Variants in MDM1 observed in about 807,000 individuals in gnomAD.
The protein encoded by MDM1 is Mdm1 nuclear protein.
In MDM1, 61 loss-of-function variants were observed where a neutral mutation model predicts 89.1. The observed-to-expected ratio is 0.68, with a 90% CI of 0.56 to 0.85. MDM1 has a LOEUF of 0.85. Among genes scored for constraint, MDM1 ranks in the 40% least tolerant of loss-of-function variants. MDM1 has a pLI of 0.00. For missense variants in MDM1, 820 were observed against 846.5 expected (o/e 0.97, Z 0.39); for synonymous variants, 290 against 294.1 (o/e 0.99, Z 0.14).
Position 68,313,546 on chromosome 12 carries a change from G to A in MDM1, c.1646C>T (p.Ala549Val), listed in dbSNP as rs748404408. ...HDLTTPAVGG[A>V]VLVSPSKMKP... Reference sequence around the variant, plus strand: ...CATCTTAGATGGAGACACTAAAACAGCACCACCTGGAAAAATAAAGATGAC... The same window carrying A: ...CATCTTAGATGGAGACACTAAAACAACACCACCTGGAAAAATAAAGATGAC... Residue 549 changes from alanine to valine, a missense_variant, in exon 12 of 15, where the codon GCT becomes GTT. By Grantham distance (64) the Ala-to-Val change is moderately conservative. Coordinates refer to ENST00000682720, the MANE Select transcript of MDM1 (RefSeq NM_001354969.2). The A allele has an allele frequency of 6.2e-7, 1 of 1,612,798 alleles. No individual in the cohort carries two copies. Among genetic ancestry groups the A allele is most frequent in the Non-Finnish European group, 8.5e-7 (1 of 1,179,012 alleles).
intron 7 of MDM1, among the ~76,000 whole-genome samples, chr12:68,318,570 C>T (rs904664409): frequency 6.6e-6 from 1 of 151,730 alleles, no homozygotes; most frequent in African/African-American, 2.4e-5. Flanking sequence ...ATCTTTAGCC[C>T]TAAACTAAGA....
intron 7 of MDM1, among the ~76,000 whole-genome samples, chr12:68,320,124 G>A (rs1297456145): frequency 6.6e-6 from 1 of 152,164 alleles, no homozygotes; most frequent in Non-Finnish European, 1.5e-5. Context: ...ATACTGTTCT[G>A]CCTCTGTCCT....
In MDM1 at chr12:68,332,309, G is replaced by T. The variant is rs777003748; in HGVS notation, c.-64C>A. ...ACTGGAGAAAAAGCTCCGAGGGGGC[G>T]GGGCGATAACAGTGTTCCCTAGCAA... is the stretch of plus-strand genomic sequence containing the variant. On this transcript the variant is annotated 5_prime_UTR_variant, in exon 1 of 15. Coordinates refer to ENST00000682720, the MANE Select transcript of MDM1 (RefSeq NM_001354969.2). The T allele has an allele frequency of 3.0e-4, 452 of 1,517,510 alleles. No homozygotes were observed. Among genetic ancestry groups the T allele is most frequent in the Non-Finnish European group, 3.8e-4 (428 of 1,131,286 alleles). 94.0% of individuals were successfully genotyped at this position (1,517,510 alleles called of 1,614,324 possible).
intron 9 of MDM1, among the ~76,000 whole-genome samples, chr12:68,315,677 T>C (rs942531074): frequency 6.6e-6 from 1 of 152,178 alleles, no homozygotes; most frequent in Non-Finnish European, 1.5e-5. Context: ...TTCCATAAAA[T>C]CAGCAGCCAA....
At chr12:68,297,682 A>G (rs572675333) in intron 13 of MDM1, among the ~76,000 whole-genome samples, 12 of 152,278 alleles carry the variant, frequency 7.9e-5, no homozygotes, top group African/African-American at 2.6e-4. Context: ...TTCGTCTCTA[A>G]AAGTTTACCA....
At position 68,300,310 on chromosome 12, in the gene MDM1, C is replaced by T. The variant is rs139406211; in HGVS notation, c.2002+2310G>A. On this transcript the variant is annotated intron_variant, in intron 13 of 14. Transcript: ENST00000682720. ...CAAAGTATCTAAGTAACAACTAACA[C>T]AGTGAATAGAACAGTACCTCACGTC... Among the ~76,000 whole-genome samples the T allele has an allele frequency of 1.5e-3, 221 of 152,202 alleles. 1 individual carries two copies. Among genetic ancestry groups the T allele is most frequent in the African/African-American group, 4.8e-3 (201 of 41,536 alleles).
At chr12:68,306,951 C>T (rs1872971844) in intron 12 of MDM1, among the ~76,000 whole-genome samples, 1 of 152,138 alleles carries the variant, frequency 6.6e-6, no homozygotes, top group Non-Finnish European at 1.5e-5. Context: ...AGGTGCCCAT[C>T]AATAGTGGAT....
chr12:68,310,624 TA>T (rs1382310006), intron 12 of MDM1, among the ~76,000 whole-genome samples: 1 of 152,212 alleles, frequency 6.6e-6, no homozygotes, highest in Non-Finnish European at 1.5e-5. Flanking sequence ...AGTGTATACA[TA>T]AGCAACAGGA....
rs76190432 is a variant in MDM1, at chr12:68,316,697, C to T, written c.1006-87G>A. The T allele has an allele frequency of 4.9e-4, 512 of 1,047,038 alleles. 3 individuals are homozygous for T. In the African/African-American group the frequency reaches 7.3e-3, roughly 15 times the overall value. 64.9% of individuals were successfully genotyped at this position (1,047,038 alleles called of 1,614,324 possible). On this transcript the variant is annotated intron_variant, in intron 7 of 14. Transcript: ENST00000682720. ...GGAATCAATGAAACACATTATTCTC[C>T]CTTCTAAATATCTACCAAACTTGTC...
chr12:68,327,438 G>A (rs1221038962), intron 2 of MDM1: 3 of 1,535,882 alleles, frequency 2.0e-6, no homozygotes, highest in East Asian at 2.4e-5. Context: ...CTTCTCTTAT[G>A]TGGAGCAGAC....
intron 7 of MDM1, among the ~76,000 whole-genome samples, chr12:68,320,074 C>T (rs1041355492): frequency 3.3e-5 from 5 of 152,202 alleles, no homozygotes; most frequent in African/African-American, 1.2e-4. Context: ...CACGCCTAAA[C>T]ACAACAGGCC....
chr12:68,326,502 A>G (rs1319477947), intron 3 of MDM1, 155 bp downstream of exon 3: 2 of 1,543,558 alleles, frequency 1.3e-6, no homozygotes, highest in East Asian at 2.4e-5. Flanking sequence ...CACAATAACT[A>G]AAGTCAACAG....
At position 68,326,901 on chromosome 12, in the gene MDM1, T is replaced by C. The variant is rs1468644777; in HGVS notation, c.254A>G (p.Glu85Gly). ...ISESNVVASPEPEAPETPKSQ... is the reference protein window; with the variant it reads ...ISESNVVASPGPEAPETPKSQ... ...TTTTGGTGTTTCCGGGGCTTCTGGT[T>C]CTGGTGATGCAACCACATTGCTCTC... is the stretch of plus-strand genomic sequence containing the variant. Residue 85 changes from glutamate (E) to glycine (G), a missense_variant, in exon 3 of 15, where the codon GAA becomes GGA. By Grantham distance (98) the Glu-to-Gly change is moderately conservative. Coordinates refer to ENST00000682720, the MANE Select transcript of MDM1 (RefSeq NM_001354969.2). 3.1e-6 allele frequency: 5 copies of C among 1,614,056 alleles called. No homozygotes were observed. The highest frequency in any genetic ancestry group is 4.2e-6 in the Non-Finnish European group (5 of 1,180,022).
chr12:68,318,672 G>T (rs1874814642), intron 7 of MDM1, among the ~76,000 whole-genome samples: 3 of 152,020 alleles, frequency 2.0e-5, no homozygotes, highest in Admixed American at 2.0e-4. Flanking sequence ...ATGTTAAATA[G>T]AACAATCCCT....
chr12:68,331,176 A>G lies in MDM1; in HGVS notation c.64T>C (p.Leu22=). The change falls in exon 2 of 15, where the codon TTG becomes CTG. Residue 22 remains leucine, a synonymous_variant. Coordinates refer to ENST00000682720, the MANE Select transcript of MDM1 (RefSeq NM_001354969.2). Reference sequence around the variant, plus strand: ...ACGGAGGAATTACAAGACTCGGACAAATAAGACTTTTTCCACAGGAAGTTC... The same window carrying G: ...ACGGAGGAATTACAAGACTCGGACAGATAAGACTTTTTCCACAGGAAGTTC... ...QRNFLWKKSY[L]SESCNSSVGR... 6.2e-7 allele frequency: 1 copy of G among 1,611,850 alleles called. No individual in the cohort carries two copies. Among genetic ancestry groups the G allele is most frequent in the African/African-American group, 1.3e-5 (1 of 74,994 alleles).
At chr12:68,331,984 G>GTAAATGTGTCTCGCA (rs1174893041) in intron 1 of MDM1, 1 of 700,396 alleles carries the variant, frequency 1.4e-6, no homozygotes, top group African/African-American at 1.7e-5. Context: ...GTCCCCCTAA[G>GTAAATGTGTCTCGCA]TAAATGTGTC....
At chr12:68,309,481 T>C (rs1055747187) in intron 12 of MDM1, among the ~76,000 whole-genome samples, 6 of 152,250 alleles carry the variant, frequency 3.9e-5, no homozygotes, top group African/African-American at 1.2e-4. Context: ...GTGATTAACA[T>C]GTATCTCCCT....
At chr12:68,318,022 G>A (rs1350264492) in intron 7 of MDM1, among the ~76,000 whole-genome samples, 1 of 152,174 alleles carries the variant, frequency 6.6e-6, no homozygotes, top group Non-Finnish European at 1.5e-5. Context: ...TTCTTGAGGT[G>A]AGGGAAAACG....
At chr12:68,317,667 T>C (rs1281124190) in intron 7 of MDM1, among the ~76,000 whole-genome samples, 1 of 152,210 alleles carries the variant, frequency 6.6e-6, no homozygotes, top group African/African-American at 2.4e-5. Flanking sequence ...GCTATGTTCA[T>C]TTATCATTTC....
Sources: allele counts gnomAD v4.1 joint callset (sites outside exome capture counted in the v4.1 genomes callset), GRCh38; gene constraint gnomAD v4.1.1; transcripts MANE v1.5; gene names NCBI Gene and HGNC (gene_info 2026-07-23, HGNC 2026-07-21).